Variants in BRD10 observed in about 807,000 individuals in gnomAD.
The protein encoded by BRD10 is bromodomain containing 10, also known as uncharacterized bromodomain-containing protein 10.
At chr9:5,913,717 T>C in the BRD10 span, 1 of 185,162 alleles carries the variant, frequency 5.4e-6, no homozygotes, top group Non-Finnish European at 1.1e-5. Flanking sequence ...ATTGAGAACT[T>C]CTAGGTAAAT....
chr9:5,926,106 C>T, the BRD10 span, among the ~76,000 whole-genome samples: 6,664 of 152,016 alleles, frequency 0.044, 218 homozygotes, highest in Middle Eastern at 0.075. Flanking sequence ...TTAGTAGAGA[C>T]GGGGTTTCAC....
the BRD10 span, among the ~76,000 whole-genome samples, chr9:5,982,991 G>A: frequency 1.3e-5 from 2 of 152,148 alleles, no homozygotes; most frequent in Non-Finnish European, 2.9e-5. Context: ...CCAAACATGG[G>A]AAATATTTGG....
the BRD10 span, among the ~76,000 whole-genome samples, chr9:5,978,695 C>T: frequency 6.6e-6 from 1 of 152,098 alleles, no homozygotes; most frequent in African/African-American, 2.4e-5. Context: ...AGCCAGAAAA[C>T]AAGCCCAACC....
At chr9:5,879,334 A>T in the BRD10 span, among the ~76,000 whole-genome samples, 1 of 151,718 alleles carries the variant, frequency 6.6e-6, no homozygotes. Context: ...GTGATGGTGC[A>T]CTCCAGCCTG....
chr9:5,933,172 A>C, the BRD10 span, among the ~76,000 whole-genome samples: 1 of 152,218 alleles, frequency 6.6e-6, no homozygotes, highest in African/African-American at 2.4e-5. Flanking sequence ...TTATGCATCT[A>C]ATTTTAGTTC....
At chr9:5,939,091 A>C in the BRD10 span, among the ~76,000 whole-genome samples, 6 of 152,272 alleles carry the variant, frequency 3.9e-5, no homozygotes, top group African/African-American at 1.4e-4. Flanking sequence ...ATCCTTCAAT[A>C]GAATAGAATA....
the BRD10 span, among the ~76,000 whole-genome samples, chr9:5,888,304 A>G: frequency 6.6e-6 from 1 of 152,220 alleles, no homozygotes; most frequent in African/African-American, 2.4e-5. Flanking sequence ...TTATTAGGTG[A>G]GTGCAAAAGT....
chr9:5,892,161 T>C, the BRD10 span, among the ~76,000 whole-genome samples: 2 of 152,200 alleles, frequency 1.3e-5, no homozygotes, highest in African/African-American at 4.8e-5. Flanking sequence ...AAATGAGGAA[T>C]ATTTTTTCAC....
the BRD10 span, among the ~76,000 whole-genome samples, chr9:5,942,406 C>T: frequency 1.4e-4 from 22 of 152,096 alleles, no homozygotes; most frequent in African/African-American, 5.3e-4. Flanking sequence ...AGTAAACATA[C>T]ATAACATATA....
At chr9:5,934,517 C>T in the BRD10 span, among the ~76,000 whole-genome samples, 1 of 151,762 alleles carries the variant, frequency 6.6e-6, no homozygotes, top group Non-Finnish European at 1.5e-5. Flanking sequence ...TGCCACCACG[C>T]CCAACTAATT....
chr9:5,954,983 G>A, the BRD10 span, among the ~76,000 whole-genome samples: 2 of 151,944 alleles, frequency 1.3e-5, no homozygotes, highest in Non-Finnish European at 2.9e-5. Context: ...AGCTACCTGG[G>A]AGCCTGAGAC....
At chr9:5,999,441 A>C in the BRD10 span, among the ~76,000 whole-genome samples, 1 of 152,186 alleles carries the variant, frequency 6.6e-6, no homozygotes, top group East Asian at 1.9e-4. Context: ...GGAAGTCAAG[A>C]ATAAGCAAAG....
chr9:5,921,738 T>C, the BRD10 span: 5 of 1,613,972 alleles, frequency 3.1e-6, no homozygotes, highest in Non-Finnish European at 4.2e-6. Context: ...GCTGCTGATA[T>C]GCTAATTACA....
chr9:5,935,018 TCA>T, the BRD10 span, among the ~76,000 whole-genome samples: 3 of 152,212 alleles, frequency 2.0e-5, no homozygotes, highest in African/African-American at 7.2e-5. Context: ...TCCTGCATAT[TCA>T]CAGTTTTGGG....
chr9:5,987,648 A>G, the BRD10 span, among the ~76,000 whole-genome samples: 4 of 152,240 alleles, frequency 2.6e-5, no homozygotes, highest in Non-Finnish European at 4.4e-5. Context: ...GAGCAACAAA[A>G]TATTATAAAT....
the BRD10 span, among the ~76,000 whole-genome samples, chr9:5,885,928 G>A: frequency 6.6e-6 from 1 of 152,192 alleles, no homozygotes; most frequent in African/African-American, 2.4e-5. Context: ...AAGGGCAACA[G>A]GACTTTCTGG....
At chr9:5,895,458 C>T in the BRD10 span, among the ~76,000 whole-genome samples, 6 of 151,930 alleles carry the variant, frequency 3.9e-5, no homozygotes, top group Admixed American at 6.6e-5. Flanking sequence ...AACAATGCAT[C>T]CCTAAGATCT....
chr9:5,919,574 A>ACG, the BRD10 span: 1 of 920,620 alleles, frequency 1.1e-6, no homozygotes, highest in Non-Finnish European at 1.6e-6. Flanking sequence ...ACACACACAC[A>ACG]CACACACACA....
chr9:5,913,664 A>T, the BRD10 span, among the ~76,000 whole-genome samples: 1 of 152,238 alleles, frequency 6.6e-6, no homozygotes, highest in Admixed American at 6.5e-5. Context: ...CAAAAATTAC[A>T]TGGATGATGG....
Sources: allele counts gnomAD v4.1 joint callset (sites outside exome capture counted in the v4.1 genomes callset), GRCh38; gene constraint gnomAD v4.1.1; transcripts MANE v1.5; gene names NCBI Gene and HGNC (gene_info 2026-07-23, HGNC 2026-07-21).